PRSS27: variants seen among roughly 807,000 people sequenced by gnomAD.
PRSS27 encodes channel-activating protease 2.
PRSS27 carries 25 observed loss-of-function variants against 32.0 expected under a neutral mutation model. That is an observed-to-expected ratio of 0.78 (90% confidence interval 0.57 to 1.09). The LOEUF is 1.09. Among genes scored for constraint, PRSS27 ranks in the 50% least tolerant of loss-of-function variants. PRSS27 has a pLI of 0.00. For missense variants in PRSS27, 401 were observed against 394.9 expected, an observed-to-expected ratio of 1.02 and a Z score of -0.13; for synonymous variants, 178 against 172.2, an observed-to-expected ratio of 1.03 and a Z score of -0.26.
intron 5 of PRSS27, chr16:2,713,324 T>G: frequency 1.6e-6 from 1 of 614,396 alleles, no homozygotes; most frequent in South Asian, 1.7e-5. Flanking sequence ...GGTCTCCATC[T>G]CCTGACCTTG....
rs574568155 is a variant in PRSS27 at position 2,712,895 on chromosome 16, C to T, written c.679-81G>A. On this transcript the variant is annotated intron_variant, in intron 5 of 5. Coordinates refer to ENST00000302641, the MANE Select transcript of PRSS27 (RefSeq NM_031948.5). This position sits in a 1 kb window ranked among gnomAD's most constrained non-coding sequence, Gnocchi z 4.6. ...TTGCAGCCGCACAGGAGGTGTGTAG[C>T]TCCGCAATGGATTCCTTCTCTCCAT... is the stretch of plus-strand genomic sequence containing the variant. The T allele has an allele frequency of 7.2e-5, 80 of 1,118,848 alleles. No individual in the cohort carries two copies. The African/African-American group carries it at 1.2e-3, about 16-fold the overall frequency. 69.3% of individuals were successfully genotyped at this position (1,118,848 alleles called of 1,614,324 possible). A position where few individuals can be genotyped will look rare whatever the true frequency, so the allele number is the denominator to read the frequency against.
intron 1 of PRSS27, among the ~76,000 whole-genome samples, chr16:2,719,680 G>T (rs542040238): frequency 6.6e-6 from 1 of 152,258 alleles, no homozygotes; most frequent in African/African-American, 2.4e-5. Flanking sequence ...ACAGGCAGCA[G>T]CCCTCGGCTC....
intron 3 of PRSS27, chr16:2,715,004 G>T (rs1018979512): frequency 7.9e-5 from 12 of 152,444 alleles, no homozygotes; most frequent in African/African-American, 2.9e-4. Context: ...GGGCTCAACT[G>T]ATCTGCCCGC....
In PRSS27 at chr16:2,717,784, C is replaced by T. The variant is rs1007422000; in HGVS notation, c.47-1258G>A. On this transcript the variant is annotated intron_variant, in intron 1 of 5. Coordinates refer to ENST00000302641, the MANE Select transcript of PRSS27 (RefSeq NM_031948.5). This position sits in a 1 kb window ranked among gnomAD's most constrained non-coding sequence, Gnocchi z 4.1. ...TGTCTGCCTCACAGTCTGGGGGGCA[C>T]CCTCCCCAACACCACTGGTGGGCAG... 6.6e-6 allele frequency: 1 copy of T among 152,200 alleles called. No individual in the cohort carries two copies. Among genetic ancestry groups the T allele is most frequent in the African/African-American group, 2.4e-5 (1 of 41,400 alleles). The allele number at this position is 152,200 out of a possible 1,614,324, so 9.4% of individuals were successfully genotyped here. A position where few individuals can be genotyped will look rare whatever the true frequency, so the allele number is the denominator to read the frequency against.
Position 2,712,622 on chromosome 16 carries a change from A to G in PRSS27, c.871T>C (p.Ter291ArgextTer33). ...AGGGGCTCCTGGCCCCGGGGGTCTC[A>G]CTTCTGGCCGCCCAACCTCGCTGGC... ...FQPARLGGQK[*>R] is the part of the protein sequence containing the mutation. Residue 291 changes from the stop codon to arginine (R), a stop_lost, in exon 6 of 6, where the codon TGA becomes CGA. Coordinates refer to ENST00000302641, the MANE Select transcript of PRSS27 (RefSeq NM_031948.5). This position sits in a 1 kb window ranked among gnomAD's most constrained non-coding sequence, Gnocchi z 4.6. The G allele has an allele frequency of 6.3e-7, 1 of 1,579,544 alleles. No individual in the cohort carries two copies. Among genetic ancestry groups the G allele is most frequent in the Non-Finnish European group, 8.6e-7 (1 of 1,162,470 alleles).
At position 2,712,803 on chromosome 16, in the gene PRSS27, G is replaced by A. The variant is rs555926172; in HGVS notation, c.690C>T (p.Gly230=). 1.1e-5 allele frequency: 17 copies of A among 1,563,306 alleles called. No individual in the cohort carries two copies. The highest frequency in any genetic ancestry group is 5.7e-5 in the Admixed American group (3 of 53,072). Residue 230 remains glycine, a synonymous_variant, in exon 6 of 6, where the codon GGC becomes GGT. Coordinates refer to ENST00000302641, the MANE Select transcript of PRSS27 (RefSeq NM_031948.5). The surrounding 1 kb of genome is among the most constrained non-coding windows in gnomAD (Gnocchi z 4.6). ...GACCCACGAGGCACACCAGGGGGCC[G>A]CCCGAGTCGCCCTGCGGGGGACGCA... ...GKKDACKGDS[G]GPLVCLVGQS...
In PRSS27 at chr16:2,712,456, TAAATA is replaced by T; in HGVS notation, c.*159_*163del. Reference sequence around the variant, plus strand: ...GGCTGGGTTTTTATTGGGAGAAACATAAATAAAATAAGGGTATTTGAGAGGGGAGG... The same window carrying T: ...GGCTGGGTTTTTATTGGGAGAAACATAAATAAGGGTATTTGAGAGGGGAGG... On this transcript the variant is annotated 3_prime_UTR_variant, in exon 6 of 6. Transcript: ENST00000302641. This position sits in a 1 kb window ranked among gnomAD's most constrained non-coding sequence, Gnocchi z 4.6. The T allele has an allele frequency of 3.2e-6, 2 of 628,106 alleles. No homozygotes were observed. Among genetic ancestry groups the T allele is most frequent in the Non-Finnish European group, 5.2e-6 (2 of 384,034 alleles). 38.9% of individuals were successfully genotyped at this position (628,106 alleles called of 1,614,324 possible).
intron 3 of PRSS27, chr16:2,715,508 A>G: frequency 3.9e-6 from 2 of 506,604 alleles, no homozygotes; most frequent in Non-Finnish European, 6.9e-6. Context: ...GGTGCGAGGC[A>G]CCTCCCGCGG....
chr16:2,716,530 G>A lies in PRSS27; in HGVS notation c.47-4C>T. 1 of 1,600,010 alleles carries A rather than the reference G, an allele frequency of 6.2e-7. No individual in the cohort carries two copies. The highest frequency in any genetic ancestry group is 1.1e-5 in the South Asian group (1 of 88,842). ...GCTGCCTTGGCCCTCTGAGACCCTG[G>A]AAGTGAGGAGAGGGTGATCAGCCAG... is the stretch of plus-strand genomic sequence containing the variant. On this transcript the variant is annotated splice_polypyrimidine_tract_variant and splice_region_variant and intron_variant, in intron 1 of 5. Transcript: ENST00000302641.
intron 3 of PRSS27, chr16:2,715,454 G>T: frequency 2.2e-6 from 1 of 459,104 alleles, no homozygotes; most frequent in Non-Finnish European, 3.9e-6. Flanking sequence ...GGGACCCACA[G>T]GGAGTGGGTG....
intron 1 of PRSS27, among the ~76,000 whole-genome samples, chr16:2,718,780 G>A (rs2067717764): frequency 6.6e-6 from 1 of 152,206 alleles, no homozygotes; most frequent in Non-Finnish European, 1.5e-5. Context: ...CCAGAATCAA[G>A]TCTTATCTTA....
At chr16:2,713,953 T>C in intron 4 of PRSS27, 112 bp downstream of exon 4, 1 of 1,207,516 alleles carries the variant, frequency 8.3e-7, no homozygotes, top group Non-Finnish European at 1.2e-6. Flanking sequence ...ACAGAGACCG[T>C]GTGTATGTAT....
Position 2,713,711 on chromosome 16 carries a change from G to C in PRSS27, c.509-13C>G. ...TCGGGCAGGAGGTCTGGAGAGGGGC[G>C]GAACAGCCCAGGGCTCAACGGACTT... On this transcript the variant is annotated splice_polypyrimidine_tract_variant and intron_variant, in intron 4 of 5. Transcript: ENST00000302641. 8.1e-6 allele frequency: 13 copies of C among 1,613,758 alleles called. No individual in the cohort carries two copies. Among genetic ancestry groups the C allele is most frequent in the Non-Finnish European group, 1.1e-5 (13 of 1,179,768 alleles).
intron 2 of PRSS27, 76 bp from the exon 3 acceptor site, chr16:2,715,956 C>T (rs951679259): frequency 3.8e-6 from 5 of 1,301,824 alleles, no homozygotes; most frequent in Middle Eastern, 2.7e-4. Context: ...CTCAGCCTCA[C>T]ACTCCAGTCC....
At chr16:2,719,685 C>T (rs1056727317) in intron 1 of PRSS27, among the ~76,000 whole-genome samples, 1 of 152,096 alleles carries the variant, frequency 6.6e-6, no homozygotes, top group East Asian at 1.9e-4. Flanking sequence ...CAGCAGCCCT[C>T]GGCTCGGCCA....
rs1389994563 is a variant in PRSS27, at chr16:2,717,238, G to A, written c.47-712C>T. 1.3e-5 allele frequency: 2 copies of A among 152,344 alleles called. No individual in the cohort carries two copies. Among genetic ancestry groups the A allele is most frequent in the Non-Finnish European group, 2.9e-5 (2 of 68,166 alleles). 9.4% of individuals were successfully genotyped at this position (152,344 alleles called of 1,614,324 possible). The stretch of plus-strand genomic sequence containing the variant: ...GACCCCCTGCTGGGCTGTGCAAGGG[G>A]GCTTTGGAGCGGATAAAGTGAGGGG... On this transcript the variant is annotated intron_variant, in intron 1 of 5. Transcript: ENST00000302641. This position sits in a 1 kb window ranked among gnomAD's most constrained non-coding sequence, Gnocchi z 4.1.
rs1196845425 is a variant in PRSS27, at chr16:2,720,140, C to T, written c.21G>A (p.Val7=). 6.2e-7 allele frequency: 1 copy of T among 1,601,926 alleles called. No individual in the cohort carries two copies. The highest frequency in any genetic ancestry group is 2.3e-5 in the East Asian group (1 of 44,290). The change falls in exon 1 of 6, where the codon GTG becomes GTA. Residue 7 remains valine (V), a synonymous_variant. Transcript: ENST00000302641. ...CAAAACACAGCAGCAGCAGGAGCGGCACCGCCGCCGGCCGCCTCATGTCCT... is the reference window on the plus strand; with the variant it reads ...CAAAACACAGCAGCAGCAGGAGCGGTACCGCCGCCGGCCGCCTCATGTCCT... The part of the protein sequence containing the change: MRRPAA[V]PLLLLLCFGS...
Position 2,716,510 on chromosome 16 carries a change from C to T in PRSS27, c.63G>A (p.Lys21=). The T allele has an allele frequency of 6.2e-7, 1 of 1,604,648 alleles. No homozygotes were observed. The change falls in exon 2 of 6, where the codon AAG becomes AAA. Residue 21 remains lysine, a synonymous_variant. Transcript: ENST00000302641. The stretch of plus-strand genomic sequence containing the variant: ...GCCCTGGGTGCTTACCTGTTGCTGC[C>T]TTGGCCCTCTGAGACCCTGGAAGTG... ...LLLCFGSQRA[K]AATACGRPRM...
rs145752273 is a variant in PRSS27 at position 2,713,680 on chromosome 16, C to G, written c.527G>C (p.Arg176Pro). 12 of 1,614,094 alleles carry G rather than the reference C, an allele frequency of 7.4e-6. No homozygotes were observed. In the Middle Eastern group the frequency reaches 4.9e-4, roughly 66 times the overall value. ...PSEEDLLPEPRILQKLAVPII... is the reference protein window; with the variant it reads ...PSEEDLLPEPPILQKLAVPII... ...GGGCACAGCGAGTTTCTGCAGGATC[C>G]GCGGTTCGGGCAGGAGGTCTGGAGA... Residue 176 changes from arginine (R) to proline (P), a missense_variant, in exon 5 of 6, where the codon CGG becomes CCG. Transcript: ENST00000302641.
Sources: gnomAD v4.1 joint callset for allele counts (sites outside exome capture counted in the v4.1 genomes callset) on GRCh38, gnomAD v4.1.1 for gene constraint, Gnocchi (gnomAD v3.1) non-coding constraint, MANE v1.5 for transcripts, NCBI Gene and HGNC (gene_info 2026-07-23, HGNC 2026-07-21) for gene names.